PCDHGB2: variants seen among roughly 807,000 people sequenced by gnomAD.
PCDHGB2 encodes the protein protocadherin gamma subfamily B, 2.
In PCDHGB2, 55 loss-of-function variants were observed where a neutral mutation model predicts 59.3. That is an observed-to-expected ratio of 0.93 (90% CI 0.75 to 1.16). The LOEUF (loss-of-function observed/expected upper bound fraction) is 1.16. Ranked by LOEUF, PCDHGB2 falls within the 50% of genes most tolerant of loss-of-function variation. The pLI is 0.00. For missense variants in PCDHGB2, 1,228 were observed against 1,198.5 expected (o/e 1.02, Z -0.36); for synonymous variants, 516 against 512.0 (o/e 1.01, Z -0.11).
At chr5:141,430,687 T>A in intron 1 of PCDHGB2, 3 of 1,399,922 alleles carry the variant, frequency 2.1e-6, no homozygotes, top group Non-Finnish European at 9.5e-7. Flanking sequence ...TGTCCCATTC[T>A]ATGGGCGAAG....
intron 1 of PCDHGB2, chr5:141,384,102 T>G (rs1156310174): frequency 1.3e-6 from 2 of 1,599,484 alleles, no homozygotes; most frequent in Admixed American, 3.4e-5. Flanking sequence ...TAGATAATTA[T>G]TATAGATTGG....
intron 1 of PCDHGB2, among the ~76,000 whole-genome samples, chr5:141,492,337 C>T (rs559700346): frequency 1.0e-3 from 158 of 152,324 alleles, no homozygotes; most frequent in African/African-American, 3.7e-3. Flanking sequence ...TACGCGAATA[C>T]CAGCTTTCAC....
At chr5:141,498,530 A>G (rs1275299749) in intron 2 of PCDHGB2, among the ~76,000 whole-genome samples, 1 of 149,364 alleles carries the variant, frequency 6.7e-6, no homozygotes, top group Non-Finnish European at 1.5e-5. Flanking sequence ...ACTGCCCTCC[A>G]GCCTGGTCTG....
At chr5:141,366,052 C>G in intron 1 of PCDHGB2, 4 of 1,614,248 alleles carry the variant, frequency 2.5e-6, no homozygotes, top group Non-Finnish European at 3.4e-6. Flanking sequence ...GTTCCACGGG[C>G]GTGGAGCTGG....
chr5:141,408,842 G>A, intron 1 of PCDHGB2: 1 of 1,613,598 alleles, frequency 6.2e-7, no homozygotes, highest in African/African-American at 1.3e-5. Flanking sequence ...GATATTGACT[G>A]CCTTGGACGG....
At chr5:141,443,631 T>C (rs541727440) in intron 1 of PCDHGB2, among the ~76,000 whole-genome samples, 1 of 152,332 alleles carries the variant, frequency 6.6e-6, no homozygotes, top group South Asian at 2.1e-4. Context: ...ATTGTAAAAA[T>C]TGATCCAGAT....
rs201116803 is a variant in PCDHGB2, at chr5:141,362,520, C to T, written c.2385C>T (p.Ala795=). 210 of 1,613,870 alleles carry T rather than the reference C, an allele frequency of 1.3e-4. No homozygotes were observed. Among genetic ancestry groups the T allele is most frequent in the Non-Finnish European group, 1.7e-4 (201 of 1,179,896 alleles). Reference sequence around the variant, plus strand: ...GGGAACAAAATACAAATCATGGAGCCGCTGGGGTCCCTTTTGCCTCAGATA... The same window carrying T: ...GGGAACAAAATACAAATCATGGAGCTGCTGGGGTCCCTTTTGCCTCAGATA... ...ASWEQNTNHG[A]AGVPFASDTI... is the part of the protein sequence containing the mutation. Residue 795 remains alanine (A), a synonymous_variant, in exon 1 of 4, where the codon GCC becomes GCT. Coordinates refer to ENST00000522605, the MANE Select transcript of PCDHGB2 (RefSeq NM_018923.3).
intron 1 of PCDHGB2, chr5:141,413,467 G>T: frequency 6.2e-7 from 1 of 1,614,136 alleles, no homozygotes; most frequent in Non-Finnish European, 8.5e-7. Context: ...AGACCGGGAG[G>T]AGCTCTGCGC....
chr5:141,444,900 T>C (rs997464788), intron 1 of PCDHGB2, among the ~76,000 whole-genome samples: 1 of 152,182 alleles, frequency 6.6e-6, no homozygotes, highest in Non-Finnish European at 1.5e-5. Context: ...TGGGATGGCA[T>C]TGCATCTATA....
At chr5:141,418,566 A>G (rs2096269931) in intron 1 of PCDHGB2, 2 of 1,614,054 alleles carry the variant, frequency 1.2e-6, no homozygotes, top group South Asian at 1.1e-5. Context: ...ATAGATGCCA[A>G]TGACAACCCC....
chr5:141,383,159 C>A (rs769758778), intron 1 of PCDHGB2: 8 of 1,614,104 alleles, frequency 5.0e-6, no homozygotes, highest in Non-Finnish European at 5.9e-6. Context: ...TTGGTCACTG[C>A]GGGCAGGATA....
intron 1 of PCDHGB2, among the ~76,000 whole-genome samples, chr5:141,363,030 AT>A (rs749692043): frequency 2.6e-5 from 4 of 152,260 alleles, no homozygotes; most frequent in Non-Finnish European, 4.4e-5. Context: ...ACATTGTCCC[AT>A]TGACTTGAAG....
Position 141,388,206 on chromosome 5 carries a change from G to C in PCDHGB2, c.2421+25650G>C. ...GCCAGCTTGTGCTCTGGAATTTGAGGCTGTTGCTGAAAATCCACTGAACTT... is the reference window on the plus strand; with the variant it reads ...GCCAGCTTGTGCTCTGGAATTTGAGCCTGTTGCTGAAAATCCACTGAACTT... On this transcript the variant is annotated intron_variant, in intron 1 of 3. Coordinates refer to ENST00000522605, the MANE Select transcript of PCDHGB2 (RefSeq NM_018923.3). 4 of 1,578,262 alleles carry C rather than the reference G, an allele frequency of 2.5e-6. No homozygotes were observed. In the South Asian group the frequency reaches 4.5e-5, roughly 18 times the overall value.
intron 1 of PCDHGB2, among the ~76,000 whole-genome samples, chr5:141,447,275 G>A (rs2098532748): frequency 1.3e-5 from 2 of 152,154 alleles, no homozygotes; most frequent in South Asian, 2.1e-4. Context: ...AAGTAGCTGG[G>A]ACTACAGGCA....
At chr5:141,478,617 G>T in intron 1 of PCDHGB2, 1 of 1,556,398 alleles carries the variant, frequency 6.4e-7, no homozygotes, top group South Asian at 1.2e-5. Context: ...AGGAAGGAAT[G>T]GAGCTGTTTT....
chr5:141,433,208 CTTTT>C (rs745329085), intron 1 of PCDHGB2: 3 of 1,293,778 alleles, frequency 2.3e-6, no homozygotes, highest in African/African-American at 1.5e-5. Flanking sequence ...AATCTTCTTT[CTTTT>C]TTTTTTTTAA....
chr5:141,476,756 C>T lies in PCDHGB2; in HGVS notation c.2422-18051C>T. On this transcript the variant is annotated intron_variant, in intron 1 of 3. Transcript: ENST00000522605. The surrounding 1 kb of genome is among the most constrained non-coding windows in gnomAD (Gnocchi z 7.6). ...ACGGGAGCCTAGTCTCCAGTTAGTGCTGACGGCGTTGGACGGAGGGACCCC... is the reference window on the plus strand; with the variant it reads ...ACGGGAGCCTAGTCTCCAGTTAGTGTTGACGGCGTTGGACGGAGGGACCCC... 3 of 1,613,928 alleles carry T rather than the reference C, an allele frequency of 1.9e-6. No homozygotes were observed. Among genetic ancestry groups the T allele is most frequent in the Non-Finnish European group, 2.5e-6 (3 of 1,180,010 alleles).
intron 1 of PCDHGB2, chr5:141,372,284 T>C: frequency 6.2e-7 from 1 of 1,613,190 alleles, no homozygotes; most frequent in Non-Finnish European, 8.5e-7. Context: ...GCACGGCGCG[T>C]ACCTTGGGCG....
chr5:141,399,958 G>A (rs2093927763), intron 1 of PCDHGB2: 5 of 1,612,004 alleles, frequency 3.1e-6, no homozygotes, highest in Non-Finnish European at 4.2e-6. Context: ...TAGCGAGCCC[G>A]GGCTCTTCAG....
Sources: allele counts gnomAD v4.1 joint callset (sites outside exome capture counted in the v4.1 genomes callset), GRCh38; gene constraint gnomAD v4.1.1; non-coding constraint Gnocchi (gnomAD v3.1); transcripts MANE v1.5; gene names NCBI Gene and HGNC (gene_info 2026-07-23, HGNC 2026-07-21).